The following MYBPC1 variants were observed in gnomAD, a reference collection of about 807,000 sequenced individuals.
MYBPC1 encodes myosin-binding protein C, slow-type.
MYBPC1 carries 52 observed loss-of-function variants against 147.1 expected under a neutral mutation model. That is an observed-to-expected ratio of 0.35 (90% CI 0.28 to 0.45). The LOEUF is 0.45. Ranked by LOEUF, MYBPC1 falls within the 20% of genes least tolerant of loss-of-function variation. The probability of loss-of-function intolerance (pLI) is 1.00; values close to 1 mark genes in which losing one functional copy is unlikely to be tolerated. For missense variants in MYBPC1, 1,228 were observed against 1,440.3 expected (o/e 0.85, Z 2.39); for synonymous variants, 477 against 475.9 (o/e 1.00, Z -0.03).
At chr12:101,681,571 TATATATATATATATATATATA>T (rs1322146383) in intron 29 of MYBPC1, among the ~76,000 whole-genome samples, 81 of 22,070 alleles carry the variant, frequency 3.7e-3, no homozygotes, top group South Asian at 0.019. Context: ...TATATATATA[TATATATATATATATATATATA>T]TTTTTTTTTT....
At chr12:101,624,683 ATTTTTTTT>A (rs57175970) in intron 3 of MYBPC1, among the ~76,000 whole-genome samples, 15 of 99,102 alleles carry the variant, frequency 1.5e-4, no homozygotes, top group South Asian at 3.8e-4. Context: ...CGGCTAATTA[ATTTTTTTT>A]TTTTTTTTTT....
At chr12:101,680,043 G>A (rs1368447739) in intron 28 of MYBPC1, among the ~76,000 whole-genome samples, 4 of 152,192 alleles carry the variant, frequency 2.6e-5, no homozygotes, top group African/African-American at 9.7e-5. Flanking sequence ...TGTTCATCCT[G>A]TAACTGAAAG....
At chr12:101,598,016 CT>C (rs34462251) in intron 1 of MYBPC1, among the ~76,000 whole-genome samples, 5,083 of 122,116 alleles carry the variant, frequency 0.042, 229 homozygotes, top group East Asian at 0.26. Flanking sequence ...AATCACCTTT[CT>C]TTTTTTTTTT....
At chr12:101,688,969 GAAAA>G (rs751592900), downstream of MYBPC1, among the ~76,000 whole-genome samples, 11,414 of 54,710 alleles carry the variant, frequency 0.21, 504 homozygotes, top group South Asian at 0.31. Context: ...AAAAAAAAAA[GAAAA>G]AGAAAAAAAA....
chr12:101,622,723 A>G (rs1290877114), intron 3 of MYBPC1, among the ~76,000 whole-genome samples: 3 of 152,112 alleles, frequency 2.0e-5, no homozygotes, highest in Admixed American at 2.0e-4. Flanking sequence ...CGACAGAGTG[A>G]GACTCTGTCT....
intron 23 of MYBPC1, chr12:101,670,054 G>T: frequency 3.7e-6 from 2 of 534,664 alleles, no homozygotes; most frequent in Non-Finnish European, 6.8e-6. Context: ...ATACAAAGTT[G>T]CAATAAAGCC....
At position 101,594,989 on chromosome 12, in the gene MYBPC1, A is replaced by G. The variant is rs1407239259; in HGVS notation, c.-82A>G. Reference sequence around the variant, plus strand: ...ACTGCTTGTCACACCGACCTGCACCATCTCTCGCCTGCCTGTGGGGTTTCT... The same window carrying G: ...ACTGCTTGTCACACCGACCTGCACCGTCTCTCGCCTGCCTGTGGGGTTTCT... On this transcript the variant is annotated 5_prime_UTR_variant, in exon 1 of 32. Coordinates refer to ENST00000361466, the MANE Select transcript of MYBPC1 (RefSeq NM_002465.4). 2 of 1,391,256 alleles carry G rather than the reference A, an allele frequency of 1.4e-6. No homozygotes were observed. The highest frequency in any genetic ancestry group is 4.6e-5 in the East Asian group (2 of 43,718). The allele number at this position is 1,391,256 out of a possible 1,614,324, so 86.2% of individuals were successfully genotyped here.
At chr12:101,687,914 C>A (rs1951375367), downstream of MYBPC1, among the ~76,000 whole-genome samples, 1 of 152,138 alleles carries the variant, frequency 6.6e-6, no homozygotes, top group Non-Finnish European at 1.5e-5. Flanking sequence ...TGTTACTTTT[C>A]TACATATAAT....
intron 5 of MYBPC1, among the ~76,000 whole-genome samples, chr12:101,628,571 G>T (rs1243243730): frequency 6.6e-6 from 1 of 152,100 alleles, no homozygotes. Context: ...AACAAGCAGA[G>T]AGTTGGCAAC....
intron 5 of MYBPC1, 181 bp downstream of exon 5, chr12:101,627,985 A>G (rs768649244): frequency 2.1e-5 from 15 of 705,624 alleles, no homozygotes; most frequent in Non-Finnish European, 4.8e-6. Flanking sequence ...TTAATTTTGC[A>G]TGATACACAC....
intron 1 of MYBPC1, among the ~76,000 whole-genome samples, chr12:101,603,631 C>A (rs1333276033): frequency 6.6e-6 from 1 of 152,142 alleles, no homozygotes; most frequent in African/African-American, 2.4e-5. Context: ...TATCCTATAA[C>A]CCTATAGCCA....
chr12:101,616,955 T>C (rs1886240442), intron 2 of MYBPC1, among the ~76,000 whole-genome samples: 1 of 152,212 alleles, frequency 6.6e-6, no homozygotes, highest in South Asian at 2.1e-4. Flanking sequence ...TAACAAAATC[T>C]GTATTGAGTG....
chr12:101,609,078 G>A (rs1883323330), intron 1 of MYBPC1, among the ~76,000 whole-genome samples: 1 of 152,014 alleles, frequency 6.6e-6, no homozygotes, highest in Non-Finnish European at 1.5e-5. Flanking sequence ...AGAAGGAGAA[G>A]GGCCTTGTCC....
chr12:101,631,010 G>A (rs771589136), intron 6 of MYBPC1, among the ~76,000 whole-genome samples: 3 of 151,972 alleles, frequency 2.0e-5, no homozygotes, highest in Admixed American at 6.5e-5. Context: ...TGAAATGCTG[G>A]GCTGGAAGCT....
Position 101,651,413 on chromosome 12 carries a change from C to T in MYBPC1, c.1526+20C>T, listed in dbSNP as rs768329485. 2.0e-5 allele frequency: 32 copies of T among 1,613,530 alleles called. 1 individual carries two copies. Among genetic ancestry groups the T allele is most frequent in the South Asian group, 4.4e-5 (4 of 91,052 alleles). The stretch of plus-strand genomic sequence containing the variant: ...GGGAAGGTAAGCGAGCCAGGTGACC[C>T]GCAAGTGAGGTTTGGTCCCATTTCT... On this transcript the variant is annotated intron_variant, in intron 16 of 31. Transcript: ENST00000361466.
Position 101,628,257 on chromosome 12 carries a change from C to T in MYBPC1, c.178+453C>T, listed in dbSNP as rs541325406. ...CCTAATATGATCCTATTATGGGCCT[C>T]TTATGGGCCAGCCACTCCTATAGGC... On this transcript the variant is annotated intron_variant, in intron 5 of 31. Coordinates refer to ENST00000361466, the MANE Select transcript of MYBPC1 (RefSeq NM_002465.4). 4 of 218,780 alleles carry T rather than the reference C, an allele frequency of 1.8e-5. No individual in the cohort carries two copies. The South Asian group carries it at 2.6e-4, about 14-fold the overall frequency. The allele number at this position is 218,780 out of a possible 1,614,324, so 13.6% of individuals were successfully genotyped here. A position where few individuals can be genotyped will look rare whatever the true frequency, so the allele number is the denominator to read the frequency against.
At chr12:101,654,049 C>CA (rs1035058546) in intron 18 of MYBPC1, among the ~76,000 whole-genome samples, 4 of 151,942 alleles carry the variant, frequency 2.6e-5, no homozygotes, top group East Asian at 1.9e-4. Context: ...ACTAAAAATA[C>CA]AAAAAAATTA....
At chr12:101,628,370 C>T (rs1889107448) in intron 5 of MYBPC1, among the ~76,000 whole-genome samples, 1 of 152,130 alleles carries the variant, frequency 6.6e-6, no homozygotes, top group South Asian at 2.1e-4. Context: ...ACACAAACAA[C>T]AAAATTTTAA....
intron 1 of MYBPC1, among the ~76,000 whole-genome samples, chr12:101,610,761 C>T (rs79769390): frequency 0.22 from 33,085 of 152,058 alleles, 5,074 homozygotes; most frequent in African/African-American, 0.44. Context: ...CCAAGCAATT[C>T]AGTGGGGAAA....
Sources: gnomAD v4.1 joint callset for allele counts (sites outside exome capture counted in the v4.1 genomes callset) on GRCh38, gnomAD v4.1.1 for gene constraint, MANE v1.5 for transcripts, NCBI Gene and HGNC (gene_info 2026-07-23, HGNC 2026-07-21) for gene names.